Variants in IL33 observed in about 807,000 individuals in gnomAD.
IL33 encodes interleukin-33.
IL33 carries 37 observed loss-of-function variants against 27.3 expected under a neutral mutation model. The ratio of observed to expected loss-of-function variants is 1.36; its 90% CI spans 1.04 to 1.78. The LOEUF (loss-of-function observed/expected upper bound fraction) is 1.78. Among genes scored for constraint, IL33 ranks in the 40% most tolerant of loss-of-function variants. The probability of loss-of-function intolerance (pLI) is 0.00; values close to 1 mark genes in which losing one functional copy is unlikely to be tolerated. For synonymous variants in IL33, 132 were observed against 102.9 expected (o/e 1.28, Z -1.71); for missense variants, 406 against 311.4 (o/e 1.30, Z -2.29).
At chr9:6,235,217 A>C (rs12341955) in intron 1 of IL33, among the ~76,000 whole-genome samples, 1 of 151,508 alleles carries the variant, frequency 6.6e-6, no homozygotes, top group Non-Finnish European at 1.5e-5. Flanking sequence ...ATTTTTAAAA[A>C]TTTTTTCTGT....
intron 1 of IL33, among the ~76,000 whole-genome samples, chr9:6,228,952 T>C (rs1333071387): frequency 1.3e-5 from 2 of 152,030 alleles, no homozygotes; most frequent in African/African-American, 4.8e-5. Flanking sequence ...TTCTTTTCAC[T>C]GTAATTTTGT....
chr9:6,238,563 A>G (rs1819359445), intron 1 of IL33, among the ~76,000 whole-genome samples: 1 of 152,200 alleles, frequency 6.6e-6, no homozygotes, highest in Non-Finnish European at 1.5e-5. Flanking sequence ...GGGACAAAAT[A>G]GGGTGCCTAA....
At chr9:6,253,665 CA>C in intron 6 of IL33, 63 bp downstream of exon 6, 17 of 1,297,960 alleles carry the variant, frequency 1.3e-5, no homozygotes, top group South Asian at 2.7e-5. Context: ...AAGATAAATC[CA>C]AAAAAATCCT....
intron 1 of IL33, among the ~76,000 whole-genome samples, chr9:6,226,188 T>A (rs566923985): frequency 1.3e-5 from 2 of 151,542 alleles, no homozygotes; most frequent in Admixed American, 1.3e-4. Flanking sequence ...TTTTAATTAT[T>A]TTTTTTTAAG....
At chr9:6,225,131 T>G (rs941485081) in intron 1 of IL33, among the ~76,000 whole-genome samples, 1 of 152,170 alleles carries the variant, frequency 6.6e-6, no homozygotes, top group African/African-American at 2.4e-5. Flanking sequence ...TCACACTGTG[T>G]TATAAGCTAG....
At chr9:6,251,293 G>T in intron 4 of IL33, 28 bp downstream of exon 4, 1 of 1,610,534 alleles carries the variant, frequency 6.2e-7, no homozygotes, top group Non-Finnish European at 8.5e-7. Flanking sequence ...GGTGATGTGG[G>T]AGTGAGGAGG....
chr9:6,230,607 G>A (rs1818880819), intron 1 of IL33, among the ~76,000 whole-genome samples: 1 of 152,118 alleles, frequency 6.6e-6, no homozygotes, highest in Non-Finnish European at 1.5e-5. Flanking sequence ...CTCCCAGAAT[G>A]AAGTCATATT....
At position 6,256,091 on chromosome 9, in the gene IL33, C is replaced by T; in HGVS notation, c.736C>T (p.His246Tyr). The T allele has an allele frequency of 6.2e-7, 1 of 1,612,882 alleles. No individual in the cohort carries two copies. Among genetic ancestry groups the T allele is most frequent in the Non-Finnish European group, 8.5e-7 (1 of 1,179,034 alleles). ...AGTGTTTATAGGTGTAAAGGATAAT[C>T]ATCTTGCTCTGATTAAAGTAGACTC... is the stretch of plus-strand genomic sequence containing the variant. Reference protein sequence around the residue: ...PGVFIGVKDNHLALIKVDSSE... With the variant: ...PGVFIGVKDNYLALIKVDSSE... Residue 246 changes from histidine (H) to tyrosine (Y), a missense_variant, in exon 8 of 8, where the codon CAT (histidine) becomes TAT (tyrosine). Coordinates refer to ENST00000682010, the MANE Select transcript of IL33 (RefSeq NM_033439.4).
rs933745306 is a variant in IL33 at position 6,237,533 on chromosome 9, T to G, written c.-11-4151T>G. ...CAGCAAAGTTCTTCCAAGTGCGTTCTCTCAAACTAGTCCATGAGGGTGATA... is the reference window on the plus strand; with the variant it reads ...CAGCAAAGTTCTTCCAAGTGCGTTCGCTCAAACTAGTCCATGAGGGTGATA... On this transcript the variant is annotated intron_variant, in intron 1 of 7. Transcript: ENST00000682010. Among the ~76,000 whole-genome samples the G allele has an allele frequency of 1.4e-4, 21 of 152,182 alleles. 1 individual carries two copies.
At chr9:6,234,552 G>A (rs1285580022) in intron 1 of IL33, among the ~76,000 whole-genome samples, 3 of 152,136 alleles carry the variant, frequency 2.0e-5, no homozygotes, top group Non-Finnish European at 4.4e-5. Context: ...TCAGCCACTT[G>A]GTAACTGCAT....
intron 1 of IL33, among the ~76,000 whole-genome samples, chr9:6,233,272 A>G (rs746794682): frequency 1.3e-5 from 2 of 152,158 alleles, no homozygotes; most frequent in African/African-American, 2.4e-5. Context: ...TCTCTTTCAG[A>G]ACCTACATTA....
upstream of IL33, among the ~76,000 whole-genome samples, chr9:6,215,588 G>A (rs1013434047): frequency 2.0e-5 from 3 of 152,148 alleles, no homozygotes; most frequent in Non-Finnish European, 2.9e-5. Context: ...AAAGTTTAGG[G>A]GCAGAAGAAG....
At chr9:6,249,964 G>A (rs1440878931) in intron 2 of IL33, among the ~76,000 whole-genome samples, 2 of 152,106 alleles carry the variant, frequency 1.3e-5, no homozygotes, top group African/African-American at 4.8e-5. Flanking sequence ...TCTAGACAAG[G>A]AGAAAAGATT....
chr9:6,234,954 T>G (rs1819112429), intron 1 of IL33, among the ~76,000 whole-genome samples: 1 of 152,236 alleles, frequency 6.6e-6, no homozygotes. Context: ...ATGTGAAACT[T>G]CACTTTGTCT....
chr9:6,226,560 A>G (rs983316598), intron 1 of IL33, among the ~76,000 whole-genome samples: 1 of 152,044 alleles, frequency 6.6e-6, no homozygotes, highest in Non-Finnish European at 1.5e-5. Flanking sequence ...GGAATACTTC[A>G]GATATGTTCT....
intron 7 of IL33, 62 bp downstream of exon 7, chr9:6,254,615 C>A: frequency 1.0e-6 from 1 of 968,088 alleles, no homozygotes; most frequent in Non-Finnish European, 1.5e-6. Flanking sequence ...TGAATGACTC[C>A]ACCAACTTGT....
At chr9:6,250,369 A>G (rs1422355959) in intron 2 of IL33, 105 bp from the exon 3 acceptor site, 1 of 1,283,734 alleles carries the variant, frequency 7.8e-7, no homozygotes, top group African/African-American at 1.5e-5. Context: ...TTCTGATAAG[A>G]TACTGTGAAC....
intron 1 of IL33, among the ~76,000 whole-genome samples, chr9:6,232,138 G>C (rs1323763993): frequency 5.3e-5 from 8 of 152,158 alleles, no homozygotes. Flanking sequence ...TTCAATAAAT[G>C]ATTTTCCAGC....
At chr9:6,239,286 G>A (rs1384141456) in intron 1 of IL33, among the ~76,000 whole-genome samples, 1 of 152,042 alleles carries the variant, frequency 6.6e-6, no homozygotes, top group African/African-American at 2.4e-5. Context: ...TGCTCAGGAG[G>A]GCATGCTTGG....
Sources: allele counts gnomAD v4.1 joint callset (sites outside exome capture counted in the v4.1 genomes callset), GRCh38; gene constraint gnomAD v4.1.1; transcripts MANE v1.5; gene names NCBI Gene and HGNC (gene_info 2026-07-23, HGNC 2026-07-21).